Variants in VPS13B observed in about 807,000 individuals in gnomAD.
VPS13B encodes the protein intermembrane lipid transfer protein VPS13B.
A neutral mutation model predicts 426.4 loss-of-function variants in VPS13B; 285 were observed. The ratio of observed to expected loss-of-function variants is 0.67; its 90% confidence interval spans 0.61 to 0.74. The LOEUF (loss-of-function observed/expected upper bound fraction) is 0.74, where lower values mean the gene tolerates loss of function less well. VPS13B is among the 30% of genes least tolerant of loss of function. The pLI, the probability that VPS13B is intolerant of heterozygous loss-of-function variation, is 0.00. For synonymous variants in VPS13B, 1,676 were observed against 1,676.4 expected, an observed-to-expected ratio of 1.00 and a Z score of 0.01; for missense variants, 4,537 against 4,782.6, an observed-to-expected ratio of 0.95 and a Z score of 1.51.
intron 21 of VPS13B, among the ~76,000 whole-genome samples, chr8:99,420,225 C>T (rs777194592): frequency 1.1e-4 from 16 of 152,044 alleles, no homozygotes; most frequent in South Asian, 2.1e-4. Flanking sequence ...GATGAAGTAA[C>T]GTGGTTACTG....
intron 17 of VPS13B, chr8:99,233,161 C>T: frequency 7.1e-7 from 1 of 1,404,902 alleles, no homozygotes; most frequent in Non-Finnish European, 1.0e-6. Context: ...AAAGAAGTGC[C>T]CGATAATTCT....
rs71516829 is a variant in VPS13B, at chr8:99,234,988, A to G, written c.2516-39210A>G. Among the ~76,000 whole-genome samples the G allele has an allele frequency of 8.0e-3, 1,223 of 152,334 alleles. 7 individuals are homozygous for G. The highest frequency in any genetic ancestry group is 0.014 in the Middle Eastern group (4 of 294). ...ATGAAAAGAAGAAAGTGTTAGAGAA[A>G]AATTAGATCATCTAGAACACACCTT... On this transcript the variant is annotated intron_variant, in intron 17 of 61. Coordinates refer to ENST00000357162, the MANE Select transcript of VPS13B (RefSeq NM_152564.5).
At chr8:99,095,865 A>G (rs1453616659) in intron 3 of VPS13B, among the ~76,000 whole-genome samples, 1 of 152,168 alleles carries the variant, frequency 6.6e-6, no homozygotes, top group African/African-American at 2.4e-5. Flanking sequence ...AGGATTATTA[A>G]GATTAATCAT....
chr8:99,666,236 G>A lies in VPS13B; in HGVS notation c.6046+4745G>A, dbSNP rs181508403. Among the ~76,000 whole-genome samples the A allele has an allele frequency of 5.8e-3, 884 of 152,222 alleles. 12 individuals are homozygous for A. Among genetic ancestry groups the A allele is most frequent in the African/African-American group, 0.02 (843 of 41,520 alleles). On this transcript the variant is annotated intron_variant, in intron 35 of 61. Coordinates refer to ENST00000357162, the MANE Select transcript of VPS13B (RefSeq NM_152564.5). ...CCGAATTCTACCAGAGGTACAAGGA[G>A]GAGCTGGTACCATTCCTTCTGAAAC...
intron 17 of VPS13B, among the ~76,000 whole-genome samples, chr8:99,197,739 A>G (rs1411608552): frequency 6.6e-6 from 1 of 152,098 alleles, no homozygotes; most frequent in African/African-American, 2.4e-5. Flanking sequence ...ACCAAATCTT[A>G]TACTTCAGCT....
At chr8:99,475,343 A>G (rs574103945) in intron 24 of VPS13B, among the ~76,000 whole-genome samples, 1 of 152,276 alleles carries the variant, frequency 6.6e-6, no homozygotes, top group East Asian at 1.9e-4. Context: ...CTAAAGCTAC[A>G]TATAATAGAC....
At chr8:99,149,466 T>C (rs1810935399) in intron 14 of VPS13B, among the ~76,000 whole-genome samples, 1 of 152,044 alleles carries the variant, frequency 6.6e-6, no homozygotes, top group Non-Finnish European at 1.5e-5. Context: ...TATGGGCGCA[T>C]GCCACCACGC....
At chr8:99,644,995 G>A (rs2631938) in intron 34 of VPS13B, among the ~76,000 whole-genome samples, 1 of 152,114 alleles carries the variant, frequency 6.6e-6, no homozygotes, top group Non-Finnish European at 1.5e-5. Flanking sequence ...ACTTCCCCAA[G>A]GTCACAGACC....
chr8:99,713,646 C>T (rs1832795464), intron 36 of VPS13B, among the ~76,000 whole-genome samples: 1 of 152,212 alleles, frequency 6.6e-6, no homozygotes. Context: ...CTTCTTATCT[C>T]TGCTGAAGGG....
chr8:99,501,986 T>C, intron 26 of VPS13B, 128 bp downstream of exon 26: 1 of 1,158,224 alleles, frequency 8.6e-7, no homozygotes, highest in Non-Finnish European at 1.2e-6. Flanking sequence ...TCCGTCTGTC[T>C]GTCTGTCTTT....
intron 19 of VPS13B, among the ~76,000 whole-genome samples, chr8:99,298,703 A>G (rs7006027): frequency 0.83 from 125,700 of 152,148 alleles, 52,446 homozygotes; most frequent in South Asian, 0.89. Flanking sequence ...ACACTGTTTA[A>G]GAGAAAGAGG....
chr8:99,057,122 C>T (rs1004059036), intron 3 of VPS13B, among the ~76,000 whole-genome samples: 17 of 151,738 alleles, frequency 1.1e-4, no homozygotes, highest in Admixed American at 5.9e-4. Flanking sequence ...TGGGTGGATT[C>T]CTTTAGATTT....
chr8:99,233,547 C>A (rs1816471754), intron 17 of VPS13B: 6 of 1,126,994 alleles, frequency 5.3e-6, no homozygotes, highest in Non-Finnish European at 8.1e-6. Context: ...GATGGGGGTA[C>A]AGGCTGGAGA....
chr8:99,387,288 GGTCAC>G (rs1314422709), intron 20 of VPS13B, among the ~76,000 whole-genome samples: 2 of 151,964 alleles, frequency 1.3e-5, no homozygotes, highest in Non-Finnish European at 2.9e-5. Flanking sequence ...TGTGATCACA[GGTCAC>G]TGCAGCCTTA....
At chr8:99,205,044 C>G (rs1207031796) in intron 17 of VPS13B, among the ~76,000 whole-genome samples, 1 of 152,186 alleles carries the variant, frequency 6.6e-6, no homozygotes, top group Non-Finnish European at 1.5e-5. Context: ...TACATAAAGA[C>G]ACATGCATTT....
intron 17 of VPS13B, among the ~76,000 whole-genome samples, chr8:99,239,553 G>A (rs1816810747): frequency 1.3e-5 from 2 of 152,066 alleles, no homozygotes; most frequent in Admixed American, 6.6e-5. Context: ...AAACTGTTTG[G>A]TTTTTAAAGA....
intron 34 of VPS13B, among the ~76,000 whole-genome samples, chr8:99,646,056 A>G (rs1054410312): frequency 4.6e-5 from 7 of 152,180 alleles, no homozygotes; most frequent in Non-Finnish European, 7.3e-5. Context: ...TCTAAAGTGA[A>G]GGAGTCATTG....
At chr8:99,566,007 C>A (rs1423945538) in intron 31 of VPS13B, among the ~76,000 whole-genome samples, 1 of 152,138 alleles carries the variant, frequency 6.6e-6, no homozygotes, top group East Asian at 1.9e-4. Context: ...AATTTTTCTT[C>A]CTGCCTAAAA....
chr8:99,751,036 A>G (rs1810369301), intron 39 of VPS13B, among the ~76,000 whole-genome samples: 1 of 152,138 alleles, frequency 6.6e-6, no homozygotes, highest in African/African-American at 2.4e-5. Context: ...TTTGCACACA[A>G]TTGTGTTTTG....
Sources: allele counts gnomAD v4.1 joint callset (sites outside exome capture counted in the v4.1 genomes callset), GRCh38; gene constraint gnomAD v4.1.1; transcripts MANE v1.5; gene names NCBI Gene and HGNC (gene_info 2026-07-23, HGNC 2026-07-21).